NCAM2: variants seen among roughly 807,000 people sequenced by gnomAD.
NCAM2 encodes the protein neural cell adhesion molecule 2.
Under a neutral mutation model 98.1 loss-of-function variants are expected in NCAM2, and 30 were observed. That is an observed-to-expected ratio of 0.31 (90% CI 0.23 to 0.41). The LOEUF (loss-of-function observed/expected upper bound fraction) is 0.41. NCAM2 is among the 10% of genes least tolerant of loss of function. NCAM2 has a pLI of 1.00. For missense variants in NCAM2, 867 were observed against 1,005.8 expected (o/e 0.86, Z 1.87); for synonymous variants, 368 against 342.4 (o/e 1.07, Z -0.83).
At chr21:21,208,409 A>T (rs2069522154) in intron 1 of NCAM2, among the ~76,000 whole-genome samples, 1 of 152,174 alleles carries the variant, frequency 6.6e-6, no homozygotes, top group South Asian at 2.1e-4. Flanking sequence ...CTCTGTTGTA[A>T]TATTAATACC....
chr21:21,071,961 G>A (rs938226529), intron 1 of NCAM2, among the ~76,000 whole-genome samples: 1 of 151,726 alleles, frequency 6.6e-6, no homozygotes, highest in Non-Finnish European at 1.5e-5. Context: ...TGCCCAGGCT[G>A]GAGTGCAGTG....
At chr21:21,319,712 T>A (rs201822916) in intron 5 of NCAM2, among the ~76,000 whole-genome samples, 48,238 of 151,662 alleles carry the variant, frequency 0.32, 8,411 homozygotes, top group African/African-American at 0.46. Flanking sequence ...TCTTATTTTT[T>A]TTTTATTTTT....
At chr21:21,040,548 C>G (rs1433879564) in intron 1 of NCAM2, among the ~76,000 whole-genome samples, 1 of 151,740 alleles carries the variant, frequency 6.6e-6, no homozygotes, top group East Asian at 1.9e-4. Context: ...ACATGTCCAT[C>G]AGTAGATGAA....
chr21:20,999,633 T>C (rs1361022525), intron 1 of NCAM2, among the ~76,000 whole-genome samples: 1 of 152,186 alleles, frequency 6.6e-6, no homozygotes, highest in African/African-American at 2.4e-5. Flanking sequence ...GCAAAGAATG[T>C]TATGTTGTTA....
chr21:21,081,478 C>T (rs1264402709), intron 1 of NCAM2, among the ~76,000 whole-genome samples: 1 of 152,062 alleles, frequency 6.6e-6, no homozygotes, highest in Non-Finnish European at 1.5e-5. Flanking sequence ...TAGCTACCTA[C>T]TGTAACAAAA....
At chr21:21,187,250 A>G (rs1013924164) in intron 1 of NCAM2, among the ~76,000 whole-genome samples, 4 of 152,130 alleles carry the variant, frequency 2.6e-5, no homozygotes, top group Admixed American at 2.0e-4. Context: ...CAAACAAACA[A>G]AAAACCCTGA....
At chr21:21,514,488 A>C (rs1003774298) in intron 16 of NCAM2, among the ~76,000 whole-genome samples, 10 of 125,424 alleles carry the variant, frequency 8.0e-5, no homozygotes, top group African/African-American at 2.2e-4. Context: ...AAAAAAAAAA[A>C]AAAAAAAAAT....
chr21:21,063,210 CTTTTTTTTTTTTTTTT>C (rs11325446), intron 1 of NCAM2, among the ~76,000 whole-genome samples: 21 of 66,062 alleles, frequency 3.2e-4, no homozygotes, highest in Admixed American at 1.1e-3. Flanking sequence ...TCTTTACATT[CTTTTTTTTTTTTTTTT>C]TTTTTTTTTT....
At chr21:20,999,661 T>G (rs2063983591) in intron 1 of NCAM2, among the ~76,000 whole-genome samples, 1 of 152,190 alleles carries the variant, frequency 6.6e-6, no homozygotes, top group South Asian at 2.1e-4. Context: ...GTGAAATTGG[T>G]TTTTTAAAAT....
intron 1 of NCAM2, among the ~76,000 whole-genome samples, chr21:21,215,171 G>A (rs1033724691): frequency 6.6e-6 from 1 of 152,010 alleles, no homozygotes; most frequent in African/African-American, 2.4e-5. Flanking sequence ...GATGCCCCAT[G>A]ACTAGTGAAG....
In NCAM2 at chr21:21,509,071, C is replaced by T. The variant is rs1988189429; in HGVS notation, c.2282+16C>T. ...CTGCATACCTGTGAGTATCAGGCAT[C>T]TACATCATGTCATATTAAACAAGCG... On this transcript the variant is annotated intron_variant, in intron 16 of 17. Coordinates refer to ENST00000400546, the MANE Select transcript of NCAM2 (RefSeq NM_004540.5). 1 of 1,612,386 alleles carries T rather than the reference C, an allele frequency of 6.2e-7. No homozygotes were observed. Among genetic ancestry groups the T allele is most frequent in the Non-Finnish European group, 8.5e-7 (1 of 1,179,260 alleles).
chr21:21,196,235 G>A (rs1003613393), intron 1 of NCAM2, among the ~76,000 whole-genome samples: 2 of 152,082 alleles, frequency 1.3e-5, no homozygotes, highest in African/African-American at 2.4e-5. Flanking sequence ...TGCCTCAACC[G>A]CAGAGAGCTA....
intron 1 of NCAM2, among the ~76,000 whole-genome samples, chr21:21,038,013 C>A (rs1485237495): frequency 6.6e-6 from 1 of 152,160 alleles, no homozygotes; most frequent in Non-Finnish European, 1.5e-5. Context: ...ACATGCTTTG[C>A]ACATGACATT....
intron 1 of NCAM2, among the ~76,000 whole-genome samples, chr21:21,105,161 G>C (rs1239741389): frequency 6.6e-6 from 1 of 152,116 alleles, no homozygotes; most frequent in Non-Finnish European, 1.5e-5. Flanking sequence ...GAGGTAGCAT[G>C]TTTACAGAAA....
At chr21:21,464,610 A>G (rs1335602346) in intron 12 of NCAM2, among the ~76,000 whole-genome samples, 2 of 152,122 alleles carry the variant, frequency 1.3e-5, no homozygotes, top group Admixed American at 1.3e-4. Context: ...CATCAAAACA[A>G]ATTCATGTTA....
At chr21:21,036,942 G>A (rs371327112) in intron 1 of NCAM2, among the ~76,000 whole-genome samples, 1 of 152,146 alleles carries the variant, frequency 6.6e-6, no homozygotes, top group East Asian at 1.9e-4. Context: ...CTCTACAGAA[G>A]CAAATCTCCT....
At chr21:21,245,299 CT>C (rs1342593183) in intron 1 of NCAM2, among the ~76,000 whole-genome samples, 1 of 152,188 alleles carries the variant, frequency 6.6e-6, no homozygotes, top group African/African-American at 2.4e-5. Flanking sequence ...GGCTAACTCC[CT>C]TGTAATTCCA....
chr21:20,998,666 C>A, intron 1 of NCAM2, 48 bp downstream of exon 1: 1 of 1,571,444 alleles, frequency 6.4e-7, no homozygotes, highest in Non-Finnish European at 8.8e-7. Context: ...CCCCTTCCAC[C>A]CGGCCAAGAG....
chr21:21,447,875 A>C (rs1448350607), intron 12 of NCAM2, among the ~76,000 whole-genome samples: 2 of 152,200 alleles, frequency 1.3e-5, no homozygotes, highest in South Asian at 4.1e-4. Context: ...AATGTTGATT[A>C]TTAAAAAGTC....
Sources: gnomAD v4.1 joint callset for allele counts (sites outside exome capture counted in the v4.1 genomes callset) on GRCh38, gnomAD v4.1.1 for gene constraint, MANE v1.5 for transcripts, NCBI Gene and HGNC (gene_info 2026-07-23, HGNC 2026-07-21) for gene names.